Variants in AGBL4 observed in about 807,000 individuals in gnomAD.
The protein encoded by AGBL4 is cytosolic carboxypeptidase 6.
Under a neutral mutation model 66.4 loss-of-function variants are expected in AGBL4, and 58 were observed. The observed-to-expected ratio is 0.87, with a 90% CI of 0.71 to 1.09. The LOEUF (loss-of-function observed/expected upper bound fraction) is 1.09, where lower values mean the gene tolerates loss of function less well. Among genes scored for constraint, AGBL4 ranks in the 50% least tolerant of loss-of-function variants. The pLI is 0.00. For missense variants in AGBL4, 579 were observed against 631.0 expected (o/e 0.92, Z 0.88); for synonymous variants, 234 against 222.9 (o/e 1.05, Z -0.44).
intron 3 of AGBL4, among the ~76,000 whole-genome samples, chr1:49,609,282 A>G (rs1406920002): frequency 6.6e-6 from 1 of 152,168 alleles, no homozygotes; most frequent in Non-Finnish European, 1.5e-5. Context: ...TATTGTTTTT[A>G]TCATTAGGGC....
At chr1:48,842,611 T>C (rs1309000031) in intron 6 of AGBL4, among the ~76,000 whole-genome samples, 2 of 152,146 alleles carry the variant, frequency 1.3e-5, no homozygotes, top group African/African-American at 4.8e-5. Flanking sequence ...AGTGGAATGG[T>C]GGTTCCTCAG....
intron 5 of AGBL4, among the ~76,000 whole-genome samples, chr1:49,020,886 A>G (rs189201160): frequency 2.1e-3 from 322 of 152,310 alleles, no homozygotes; most frequent in Non-Finnish European, 4.0e-3. Flanking sequence ...GGAAAGACTG[A>G]ATCAGCCTCC....
At chr1:48,923,757 C>T (rs767012779) in intron 5 of AGBL4, among the ~76,000 whole-genome samples, 9 of 152,146 alleles carry the variant, frequency 5.9e-5, no homozygotes, top group Non-Finnish European at 1.3e-4. Context: ...TAACATTTAA[C>T]GAATTTGCAT....
intron 3 of AGBL4, among the ~76,000 whole-genome samples, chr1:49,534,245 A>G (rs1311149981): frequency 6.6e-6 from 1 of 151,808 alleles, no homozygotes; most frequent in East Asian, 1.9e-4. Context: ...TGCATGCCAC[A>G]ATATGGCTAA....
chr1:49,004,747 G>A (rs61786050), intron 5 of AGBL4, among the ~76,000 whole-genome samples: 1,839 of 152,304 alleles, frequency 0.012, 13 homozygotes, highest in Non-Finnish European at 0.017. Flanking sequence ...AAGTAAGGGG[G>A]ACATTTGATC....
At chr1:49,259,639 G>C (rs1652912912) in intron 3 of AGBL4, among the ~76,000 whole-genome samples, 2 of 127,686 alleles carry the variant, frequency 1.6e-5, no homozygotes, top group Non-Finnish European at 3.3e-5. Flanking sequence ...CAATACAGGA[G>C]CACCCAGATT....
intron 2 of AGBL4, among the ~76,000 whole-genome samples, chr1:49,759,566 G>T (rs906053093): frequency 6.6e-6 from 1 of 152,012 alleles, no homozygotes; most frequent in African/African-American, 2.4e-5. Flanking sequence ...TATCAATATT[G>T]GTTCATTATT....
chr1:48,973,430 G>T (rs1659071447), intron 5 of AGBL4, among the ~76,000 whole-genome samples: 1 of 152,104 alleles, frequency 6.6e-6, no homozygotes, highest in African/African-American at 2.4e-5. Context: ...CAATTAGAAT[G>T]ACAATCTATT....
At chr1:48,843,717 G>T (rs1032400647) in intron 6 of AGBL4, among the ~76,000 whole-genome samples, 2 of 151,718 alleles carry the variant, frequency 1.3e-5, no homozygotes, top group African/African-American at 2.4e-5. Flanking sequence ...AGTCAGAAAG[G>T]CCCTTTGAAA....
At chr1:49,163,765 T>G (rs755442596) in intron 4 of AGBL4, among the ~76,000 whole-genome samples, 2 of 152,130 alleles carry the variant, frequency 1.3e-5, no homozygotes, top group East Asian at 3.9e-4. Flanking sequence ...AAGAGATAGT[T>G]TACCAGGTTT....
At chr1:48,893,964 A>T (rs535661600) in intron 5 of AGBL4, among the ~76,000 whole-genome samples, 1 of 152,358 alleles carries the variant, frequency 6.6e-6, no homozygotes, top group East Asian at 1.9e-4. Context: ...TAATGAGGAA[A>T]CCAAGGAGCA....
rs956357492 is a variant in AGBL4 at position 48,605,981 on chromosome 1, G to T, written c.952-14996C>A. ...TGCCACCAGGTTAATAACAGTAATG[G>T]TGTGAGAAGAAAATGAGGTGTTACG... On this transcript the variant is annotated intron_variant, in intron 9 of 13. Transcript: ENST00000371839. Among the ~76,000 whole-genome samples, 4 of 152,122 alleles carry T rather than the reference G, an allele frequency of 2.6e-5. No individual in the cohort carries two copies. The East Asian group carries it at 7.7e-4, about 29-fold the overall frequency.
At chr1:49,515,766 T>C (rs1649747755) in intron 3 of AGBL4, among the ~76,000 whole-genome samples, 1 of 151,490 alleles carries the variant, frequency 6.6e-6, no homozygotes, top group South Asian at 2.1e-4. Context: ...GAAACCATCA[T>C]TCTCAGCAAA....
At position 49,383,809 on chromosome 1, in the gene AGBL4, T is replaced by A. The variant is rs534594830; in HGVS notation, c.283-137945A>T. 1.3e-3 allele frequency among the ~76,000 whole-genome samples: 197 copies of A among 151,946 alleles called. 2 individuals are homozygous for A. The highest frequency in any genetic ancestry group is 8.3e-4 in the South Asian group (4 of 4,812). ...TGAGACTGTATATATATATATTTTT[T>A]TTTTTTGAGATGGTGTCTTGCTCTG... On this transcript the variant is annotated intron_variant, in intron 3 of 13. Coordinates refer to ENST00000371839, the MANE Select transcript of AGBL4 (RefSeq NM_032785.4).
intron 1 of AGBL4, among the ~76,000 whole-genome samples, chr1:49,893,180 C>G (rs1648830194): frequency 6.6e-6 from 1 of 152,080 alleles, no homozygotes; most frequent in Non-Finnish European, 1.5e-5. Flanking sequence ...TTATACCCAG[C>G]TATATCTTTT....
chr1:49,285,315 A>C (rs1415293723), intron 3 of AGBL4, among the ~76,000 whole-genome samples: 4 of 152,190 alleles, frequency 2.6e-5, no homozygotes, highest in African/African-American at 7.2e-5. Flanking sequence ...ATGTTCTTTG[A>C]AACCAACGAG....
At chr1:48,823,542 GA>G (rs1646361245) in intron 6 of AGBL4, among the ~76,000 whole-genome samples, 1 of 152,196 alleles carries the variant, frequency 6.6e-6, no homozygotes, top group Non-Finnish European at 1.5e-5. Flanking sequence ...GTCTGCCTGA[GA>G]AGTTCCCATT....
intron 3 of AGBL4, among the ~76,000 whole-genome samples, chr1:49,330,967 C>A (rs554020477): frequency 6.6e-6 from 1 of 152,234 alleles, no homozygotes; most frequent in Non-Finnish European, 1.5e-5. Flanking sequence ...AACACAGAGA[C>A]AAGGGAACCC....
chr1:49,758,768 T>G (rs143844513), intron 2 of AGBL4, among the ~76,000 whole-genome samples: 1 of 152,098 alleles, frequency 6.6e-6, no homozygotes, highest in African/African-American at 2.4e-5. Flanking sequence ...GATAAAACTT[T>G]GGCCTTGGAC....
Sources: allele counts gnomAD v4.1 joint callset (sites outside exome capture counted in the v4.1 genomes callset), GRCh38; gene constraint gnomAD v4.1.1; transcripts MANE v1.5; gene names NCBI Gene and HGNC (gene_info 2026-07-23, HGNC 2026-07-21).